PAPPA2: variants seen among roughly 807,000 people sequenced by gnomAD.
The protein encoded by PAPPA2 is pappalysin-2.
A neutral mutation model predicts 176.4 loss-of-function variants in PAPPA2; 86 were observed. The ratio of observed to expected loss-of-function variants is 0.49; its 90% confidence interval spans 0.41 to 0.58. The LOEUF (loss-of-function observed/expected upper bound fraction) is 0.58. PAPPA2 is among the 20% of genes least tolerant of loss of function. The pLI, the probability that PAPPA2 is intolerant of heterozygous loss-of-function variation, is 0.00. For synonymous variants in PAPPA2, 809 were observed against 852.2 expected (o/e 0.95, Z 0.88); for missense variants, 2,073 against 2,256.9 (o/e 0.92, Z 1.65).
intron 1 of PAPPA2, among the ~76,000 whole-genome samples, chr1:176,485,109 C>G (rs1343518267): frequency 1.3e-5 from 2 of 152,208 alleles, no homozygotes; most frequent in African/African-American, 4.8e-5. Context: ...TTCCCACATG[C>G]TGGACTGGGA....
At chr1:176,690,904 A>G (rs1351491378) in intron 5 of PAPPA2, 50 of 906,908 alleles carry the variant, frequency 5.5e-5, no homozygotes, top group Non-Finnish European at 6.3e-5. Context: ...GTTTTACTGT[A>G]TGTTACTAAA....
intron 18 of PAPPA2, 145 bp from the exon 19 acceptor site, chr1:176,791,199 TTTG>T: frequency 8.9e-6 from 3 of 337,584 alleles, no homozygotes; most frequent in Non-Finnish European, 1.5e-5. Context: ...TTTTTTTTTT[TTTG>T]GCCAGTAACA....
Position 176,695,922 on chromosome 1 carries a change from A to G in PAPPA2, c.2746+63A>G. The G allele has an allele frequency of 1.9e-6, 3 of 1,582,584 alleles. No homozygotes were observed. In the South Asian group the frequency reaches 3.4e-5, roughly 18 times the overall value. On this transcript the variant is annotated intron_variant, in intron 7 of 22. Coordinates refer to ENST00000367662, the MANE Select transcript of PAPPA2 (RefSeq NM_020318.3). ...ACCACTGAGGATGGGGGTGGAGGTA[A>G]AGAGTGGAGTAGTGACATGGTGACA... is the stretch of plus-strand genomic sequence containing the variant.
At chr1:176,483,918 G>A (rs919998365) in intron 1 of PAPPA2, among the ~76,000 whole-genome samples, 1 of 152,214 alleles carries the variant, frequency 6.6e-6, no homozygotes, top group Non-Finnish European at 1.5e-5. Context: ...CTAGTCTTCA[G>A]TAAATAGCAA....
At chr1:176,798,012 G>C (rs1337280482) in intron 20 of PAPPA2, among the ~76,000 whole-genome samples, 1 of 152,128 alleles carries the variant, frequency 6.6e-6, no homozygotes, top group Admixed American at 6.5e-5. Context: ...ATGCTAGATA[G>C]TCCCTATTCT....
chr1:176,552,449 C>T (rs895620063), intron 1 of PAPPA2, among the ~76,000 whole-genome samples: 6 of 150,394 alleles, frequency 4.0e-5, no homozygotes, highest in African/African-American at 1.5e-4. Flanking sequence ...TCTCCCCTTT[C>T]CCATCTCCTC....
At chr1:176,616,285 T>C in intron 3 of PAPPA2, 2 of 509,058 alleles carry the variant, frequency 3.9e-6, no homozygotes, top group South Asian at 3.2e-5. Context: ...ATGCAACAGT[T>C]GTTTATATGA....
At chr1:176,635,533 T>G (rs1656644624) in intron 3 of PAPPA2, among the ~76,000 whole-genome samples, 1 of 152,134 alleles carries the variant, frequency 6.6e-6, no homozygotes, top group Non-Finnish European at 1.5e-5. Flanking sequence ...CCTTCATAAT[T>G]TATCTTGAGA....
intron 1 of PAPPA2, among the ~76,000 whole-genome samples, chr1:176,501,669 A>G (rs1647971397): frequency 6.6e-6 from 1 of 152,054 alleles, no homozygotes; most frequent in Admixed American, 6.6e-5. Context: ...GAGCCCAGAG[A>G]CTCCATTTTA....
chr1:176,486,754 G>A (rs1193396320), intron 1 of PAPPA2, among the ~76,000 whole-genome samples: 1 of 152,088 alleles, frequency 6.6e-6, no homozygotes, highest in African/African-American at 2.4e-5. Flanking sequence ...GAGAGGGAGA[G>A]GCACAATGGG....
In PAPPA2 at chr1:176,711,691, G is replaced by T; in HGVS notation, c.3652-144G>T. The stretch of plus-strand genomic sequence containing the variant: ...AGAGAGCACTGAGAAATTCTTCAAT[G>T]TTGAGAAAAGTTTTCTGCCAATAAT... On this transcript the variant is annotated intron_variant, in intron 11 of 22. Coordinates refer to ENST00000367662, the MANE Select transcript of PAPPA2 (RefSeq NM_020318.3). 5 of 847,156 alleles carry T rather than the reference G, an allele frequency of 5.9e-6. No homozygotes were observed. In the South Asian group the frequency reaches 7.5e-5, roughly 13 times the overall value. 52.5% of individuals were successfully genotyped at this position (847,156 alleles called of 1,614,324 possible). A position where few individuals can be genotyped will look rare whatever the true frequency, so the allele number is the denominator to read the frequency against.
intron 15 of PAPPA2, 32 bp downstream of exon 15, chr1:176,765,869 A>G (rs772827576): frequency 1.2e-5 from 20 of 1,605,782 alleles, no homozygotes; most frequent in Admixed American, 1.7e-5. Flanking sequence ...ACCAGGACCA[A>G]GTTCCTGGGA....
intron 14 of PAPPA2, among the ~76,000 whole-genome samples, chr1:176,762,525 C>A (rs1458477966): frequency 2.6e-5 from 4 of 152,198 alleles, no homozygotes; most frequent in African/African-American, 9.7e-5. Flanking sequence ...TGACTTCTTT[C>A]CAATAAACTA....
intron 8 of PAPPA2, among the ~76,000 whole-genome samples, chr1:176,701,964 C>G (rs1483710818): frequency 2.0e-5 from 3 of 152,214 alleles, no homozygotes; most frequent in Non-Finnish European, 2.9e-5. Context: ...CCTTTCATCT[C>G]TAGGGTCAAC....
chr1:176,637,987 G>T (rs1458619840), intron 3 of PAPPA2, among the ~76,000 whole-genome samples: 1 of 152,018 alleles, frequency 6.6e-6, no homozygotes. Context: ...TTATTATTTA[G>T]AGTGGAAACC....
chr1:176,475,459 A>G (rs773472464), intron 1 of PAPPA2, among the ~76,000 whole-genome samples: 1 of 152,210 alleles, frequency 6.6e-6, no homozygotes, highest in Non-Finnish European at 1.5e-5. Context: ...GAAGGTCTAC[A>G]CTGGGGAGAG....
chr1:176,821,036 C>A (rs1666644013), intron 21 of PAPPA2, among the ~76,000 whole-genome samples: 2 of 152,188 alleles, frequency 1.3e-5, no homozygotes, highest in Non-Finnish European at 2.9e-5. Context: ...CTGCTCCCCC[C>A]AATGGCTAGG....
At chr1:176,536,807 A>G (rs912823555) in intron 1 of PAPPA2, among the ~76,000 whole-genome samples, 1 of 152,230 alleles carries the variant, frequency 6.6e-6, no homozygotes, top group Non-Finnish European at 1.5e-5. Flanking sequence ...AGTCCAATCC[A>G]GGAAAGAGTA....
At chr1:176,666,108 A>G (rs1437634589) in intron 3 of PAPPA2, among the ~76,000 whole-genome samples, 1 of 152,220 alleles carries the variant, frequency 6.6e-6, no homozygotes, top group Non-Finnish European at 1.5e-5. Context: ...ATAACTTTTA[A>G]AAATTAGAAC....
Sources: allele counts gnomAD v4.1 joint callset (sites outside exome capture counted in the v4.1 genomes callset), GRCh38; gene constraint gnomAD v4.1.1; transcripts MANE v1.5; gene names NCBI Gene and HGNC (gene_info 2026-07-23, HGNC 2026-07-21).